The following ZNRF3 variants were observed in gnomAD, a reference collection of about 807,000 sequenced individuals.
ZNRF3 encodes E3 ubiquitin-protein ligase ZNRF3.
In ZNRF3, 23 loss-of-function variants were observed where a neutral mutation model predicts 72.5. The ratio of observed to expected loss-of-function variants is 0.32; its 90% confidence interval spans 0.23 to 0.45. The LOEUF is 0.45. Ranked by LOEUF, ZNRF3 falls within the 20% of genes least tolerant of loss-of-function variation. ZNRF3 has a pLI of 1.00. For synonymous variants in ZNRF3, 610 were observed against 545.3 expected, an observed-to-expected ratio of 1.12 and a Z score of -1.65; for missense variants, 1,169 against 1,272.1, an observed-to-expected ratio of 0.92 and a Z score of 1.23.
intron 5 of ZNRF3, among the ~76,000 whole-genome samples, chr22:29,046,037 C>T (rs922278283): frequency 2.0e-5 from 3 of 152,196 alleles, no homozygotes; most frequent in African/African-American, 7.2e-5. Flanking sequence ...GCCACCTACA[C>T]AGTATACCAG....
At chr22:28,901,275 A>G (rs1346950972) in intron 1 of ZNRF3, among the ~76,000 whole-genome samples, 1 of 152,190 alleles carries the variant, frequency 6.6e-6, no homozygotes, top group Non-Finnish European at 1.5e-5. Context: ...TAGGATGAGC[A>G]CAGATGTGAA....
At position 28,987,287 on chromosome 22, in the gene ZNRF3, G is replaced by T. The variant is rs1436861543; in HGVS notation, c.426+86G>T. 1.0e-5 allele frequency: 16 copies of T among 1,538,192 alleles called. No individual in the cohort carries two copies. The Admixed American group carries it at 3.0e-4, about 29-fold the overall frequency. ...CAGCATTCCTCAAATAGTTGATTAT[G>T]GAGAAGAGCCATGCTGGCACAGTGC... On this transcript the variant is annotated intron_variant, in intron 2 of 8. Transcript: ENST00000544604.
chr22:28,950,003 T>G (rs976796268), intron 1 of ZNRF3, among the ~76,000 whole-genome samples: 10 of 152,176 alleles, frequency 6.6e-5, no homozygotes, highest in Admixed American at 1.3e-4. Flanking sequence ...TTAATAAACT[T>G]AATAGTTTTT....
chr22:28,963,924 A>G (rs1218302539), intron 1 of ZNRF3, among the ~76,000 whole-genome samples: 1 of 152,136 alleles, frequency 6.6e-6, no homozygotes, highest in Non-Finnish European at 1.5e-5. Context: ...CCAGCATCTA[A>G]TGCCAGAGAC....
At chr22:29,027,834 G>A (rs146565991) in intron 2 of ZNRF3, among the ~76,000 whole-genome samples, 1 of 152,268 alleles carries the variant, frequency 6.6e-6, no homozygotes, top group East Asian at 1.9e-4. Context: ...CAAGCAGTGT[G>A]AGATACCCCC....
intron 2 of ZNRF3, among the ~76,000 whole-genome samples, chr22:29,006,986 A>T (rs1284848262): frequency 6.6e-6 from 1 of 152,254 alleles, no homozygotes; most frequent in Non-Finnish European, 1.5e-5. Flanking sequence ...TGGCTACCAT[A>T]AAACAGGTGT....
At chr22:28,899,387 G>A (rs1042844182) in intron 1 of ZNRF3, among the ~76,000 whole-genome samples, 20 of 152,286 alleles carry the variant, frequency 1.3e-4, no homozygotes, top group African/African-American at 3.9e-4. Context: ...CTTGATTATA[G>A]CTTGCTGTGT....
chr22:28,967,152 G>A (rs1001464138), intron 1 of ZNRF3, among the ~76,000 whole-genome samples: 2 of 152,196 alleles, frequency 1.3e-5, no homozygotes, highest in Non-Finnish European at 2.9e-5. Flanking sequence ...AGAGTGCTGG[G>A]ATTACAGGCG....
At chr22:28,898,193 G>A (rs529415695) in intron 1 of ZNRF3, among the ~76,000 whole-genome samples, 1 of 152,016 alleles carries the variant, frequency 6.6e-6, no homozygotes, top group African/African-American at 2.4e-5. Context: ...GGTGATCTAT[G>A]CACCTCGGCC....
chr22:29,015,820 G>A (rs189088565), intron 2 of ZNRF3, among the ~76,000 whole-genome samples: 2 of 151,756 alleles, frequency 1.3e-5, no homozygotes, highest in Non-Finnish European at 2.9e-5. Context: ...GAGTTCGAGA[G>A]CAGCCTGACC....
In ZNRF3 at chr22:29,048,211, TC is replaced by T. The variant is rs1460277763; in HGVS notation, c.913-176del. 6.6e-6 allele frequency among the ~76,000 whole-genome samples: 1 copy of T among 152,258 alleles called. No homozygotes were observed. Among genetic ancestry groups the T allele is most frequent in the South Asian group, 2.1e-4 (1 of 4,820 alleles). On this transcript the variant is annotated intron_variant, in intron 6 of 8. Transcript: ENST00000544604. The surrounding 1 kb of genome is among the most constrained non-coding windows in gnomAD (Gnocchi z 4.9). ...GGCTGACTGCTGGCAGTTTCCTTCTTCCTAGAACACATGGGTGGGCCCTGCT... is the reference window on the plus strand; with the variant it reads ...GGCTGACTGCTGGCAGTTTCCTTCTTCTAGAACACATGGGTGGGCCCTGCT...
intron 2 of ZNRF3, among the ~76,000 whole-genome samples, chr22:28,998,054 C>G (rs2123839041): frequency 6.7e-6 from 1 of 149,116 alleles, no homozygotes; most frequent in East Asian, 2.0e-4. Context: ...AATCCTAGCA[C>G]TTTGGGAGGC....
chr22:28,916,671 G>A (rs1015304115), intron 1 of ZNRF3, among the ~76,000 whole-genome samples: 1 of 152,174 alleles, frequency 6.6e-6, no homozygotes, highest in Admixed American at 6.5e-5. Flanking sequence ...TTAATCAGGA[G>A]CATCCTGTTG....
Position 28,920,284 on chromosome 22 carries a change from G to A in ZNRF3, c.300+36218G>A, listed in dbSNP as rs553369144. ...CCTGGCCTATTTTATTTTATTTTTT[G>A]TTTTGAGACAGAGTCTCGCTCTGTT... is the stretch of plus-strand genomic sequence containing the variant. On this transcript the variant is annotated intron_variant, in intron 1 of 8. Coordinates refer to ENST00000544604, the MANE Select transcript of ZNRF3 (RefSeq NM_001206998.2). Among the ~76,000 whole-genome samples, 13 of 145,600 alleles carry A rather than the reference G, an allele frequency of 8.9e-5. No individual in the cohort carries two copies. The South Asian group carries it at 2.9e-3, about 32-fold the overall frequency.
intron 2 of ZNRF3, among the ~76,000 whole-genome samples, chr22:29,041,534 C>G (rs986654509): frequency 1.3e-5 from 2 of 152,142 alleles, no homozygotes; most frequent in African/African-American, 4.8e-5. Context: ...ACATTCTAAT[C>G]TCATCCCTCT....
intron 2 of ZNRF3, chr22:28,992,811 T>C (rs974827074): frequency 2.0e-5 from 3 of 152,274 alleles, no homozygotes; most frequent in Admixed American, 1.3e-4. Flanking sequence ...GGTCTATGTG[T>C]ACTACATAGA....
In ZNRF3 at chr22:29,032,238, A is replaced by C. The variant is rs2036776146; in HGVS notation, c.427-10257A>C. 2.6e-5 allele frequency among the ~76,000 whole-genome samples: 4 copies of C among 152,326 alleles called. No individual in the cohort carries two copies. The South Asian group carries it at 6.2e-4, about 24-fold the overall frequency. The stretch of plus-strand genomic sequence containing the variant: ...ACAGCCTGTTCTTGTGGACATGGCC[A>C]AGGGTAGTCATCTGGCCAGCTTTCT... On this transcript the variant is annotated intron_variant, in intron 2 of 8. Transcript: ENST00000544604.
At chr22:28,971,725 A>G (rs1489267962) in intron 1 of ZNRF3, among the ~76,000 whole-genome samples, 3 of 152,152 alleles carry the variant, frequency 2.0e-5, no homozygotes, top group African/African-American at 7.2e-5. Context: ...AATTTTTAAG[A>G]GATGGTCTCT....
chr22:29,007,327 A>G (rs1422487058), intron 2 of ZNRF3, among the ~76,000 whole-genome samples: 1 of 152,230 alleles, frequency 6.6e-6, no homozygotes, highest in Non-Finnish European at 1.5e-5. Context: ...TAAGTGGACA[A>G]AACGTCCCAC....
Sources: allele counts gnomAD v4.1 joint callset (sites outside exome capture counted in the v4.1 genomes callset), GRCh38; gene constraint gnomAD v4.1.1; non-coding constraint Gnocchi (gnomAD v3.1); transcripts MANE v1.5; gene names NCBI Gene and HGNC (gene_info 2026-07-23, HGNC 2026-07-21).